PSME3IP1: variants seen among roughly 807,000 people sequenced by gnomAD.
PSME3IP1 encodes the protein PSME3-interacting protein.
Under a neutral mutation model 34.1 loss-of-function variants are expected in PSME3IP1, and 13 were observed. The observed-to-expected ratio is 0.38, with a 90% CI of 0.25 to 0.61. The LOEUF is 0.61. Among genes scored for constraint, PSME3IP1 ranks in the 20% least tolerant of loss-of-function variants. The pLI is 0.60. For synonymous variants in PSME3IP1, 93 were observed against 114.3 expected, an observed-to-expected ratio of 0.81 and a Z score of 1.19; for missense variants, 237 against 301.4, an observed-to-expected ratio of 0.79 and a Z score of 1.58.
intron 3 of PSME3IP1, 31 bp from the exon 4 acceptor site, chr16:57,172,403 G>C: frequency 6.2e-7 from 1 of 1,607,408 alleles, no homozygotes; most frequent in Non-Finnish European, 8.5e-7. Context: ...GGCACACTTA[G>C]CAGGCTAAAG....
chr16:57,158,819 T>A (rs947171384), intron 6 of PSME3IP1, among the ~76,000 whole-genome samples: 1 of 152,210 alleles, frequency 6.6e-6, no homozygotes, highest in Non-Finnish European at 1.5e-5. Context: ...ACTACACATG[T>A]AGGCCACATG....
At chr16:57,160,875 A>T (rs2071152013) in intron 6 of PSME3IP1, among the ~76,000 whole-genome samples, 1 of 152,248 alleles carries the variant, frequency 6.6e-6, no homozygotes, top group African/African-American at 2.4e-5. Flanking sequence ...TCCAGATCAA[A>T]CTACCATTTT....
intron 1 of PSME3IP1, among the ~76,000 whole-genome samples, chr16:57,175,249 G>A (rs1364452267): frequency 2.6e-5 from 4 of 152,144 alleles, no homozygotes; most frequent in African/African-American, 9.7e-5. Context: ...TCCTGAACTC[G>A]TGATCTGCCC....
chr16:57,164,770 G>C (rs1397376876), intron 5 of PSME3IP1, among the ~76,000 whole-genome samples: 1 of 152,106 alleles, frequency 6.6e-6, no homozygotes, highest in Non-Finnish European at 1.5e-5. Flanking sequence ...GGTGGCTGAC[G>C]CCTGTAATCC....
chr16:57,182,843 G>A (rs1157198208), intron 1 of PSME3IP1, among the ~76,000 whole-genome samples: 1 of 152,154 alleles, frequency 6.6e-6, no homozygotes. Context: ...CCGGGAGGCG[G>A]AGGTTGTAGT....
At position 57,153,979 on chromosome 16, in the gene PSME3IP1, C is replaced by A; in HGVS notation, c.*311G>T. 1 of 341,456 alleles carries A rather than the reference C, an allele frequency of 2.9e-6. No homozygotes were observed. Among genetic ancestry groups the A allele is most frequent in the Non-Finnish European group, 5.4e-6 (1 of 185,322 alleles). 21.2% of individuals were successfully genotyped at this position (341,456 alleles called of 1,614,324 possible). On this transcript the variant is annotated 3_prime_UTR_variant, in exon 7 of 7. Coordinates refer to ENST00000309137, the MANE Select transcript of PSME3IP1 (RefSeq NM_024946.4). ...AATAAAACCCAAACCCTTTGGCAAGCCAGCCGGTGCCTATTCTCCTGGGGC... is the reference window on the plus strand; with the variant it reads ...AATAAAACCCAAACCCTTTGGCAAGACAGCCGGTGCCTATTCTCCTGGGGC...
rs886971600 is a variant in PSME3IP1, at chr16:57,172,659, C to T, written c.226+117G>A. ...GTCTCTTTTCCACCAAATAAGCATCCGGAGACTCGAAAATCAAGACAATTC... is the reference window on the plus strand; with the variant it reads ...GTCTCTTTTCCACCAAATAAGCATCTGGAGACTCGAAAATCAAGACAATTC... On this transcript the variant is annotated intron_variant, in intron 3 of 6. Transcript: ENST00000309137. 2.0e-5 allele frequency: 18 copies of T among 879,292 alleles called. No homozygotes were observed. The Admixed American group carries it at 2.4e-4, about 12-fold the overall frequency. 54.5% of individuals were successfully genotyped at this position (879,292 alleles called of 1,614,324 possible). A position where few individuals can be genotyped will look rare whatever the true frequency, so the allele number is the denominator to read the frequency against.
At chr16:57,162,725 A>G (rs1376389096) in intron 6 of PSME3IP1, among the ~76,000 whole-genome samples, 1 of 152,144 alleles carries the variant, frequency 6.6e-6, no homozygotes, top group East Asian at 1.9e-4. Flanking sequence ...TTACAAAGAA[A>G]AAAAAAAAAT....
At chr16:57,163,251 T>C (rs542467586) in intron 6 of PSME3IP1, among the ~76,000 whole-genome samples, 32 of 152,302 alleles carry the variant, frequency 2.1e-4, no homozygotes, top group Non-Finnish European at 1.6e-4. Flanking sequence ...GGCTCCTTTT[T>C]TTTTCCCCCA....
At chr16:57,162,332 A>G (rs146777888) in intron 6 of PSME3IP1, among the ~76,000 whole-genome samples, 13 of 152,350 alleles carry the variant, frequency 8.5e-5, no homozygotes, top group African/African-American at 3.1e-4. Flanking sequence ...ACAAAATATT[A>G]CAGTTGAGAG....
rs1006639252 is a variant in PSME3IP1, at chr16:57,178,569, A to C, written c.-15-4700T>G. 12 of 985,306 alleles carry C rather than the reference A, an allele frequency of 1.2e-5. No individual in the cohort carries two copies. The African/African-American group carries it at 1.9e-4, about 16-fold the overall frequency. The allele number at this position is 985,306 out of a possible 1,614,324, so 61.0% of individuals were successfully genotyped here. On this transcript the variant is annotated intron_variant, in intron 1 of 6. Coordinates refer to ENST00000309137, the MANE Select transcript of PSME3IP1 (RefSeq NM_024946.4). ...GGAATGAACTCACATGAATATTCCT[A>C]GGTACTGTGCAATGTAAGTTATAGA...
intron 3 of PSME3IP1, 102 bp downstream of exon 3, chr16:57,172,674 C>T: frequency 1.0e-6 from 1 of 956,790 alleles, no homozygotes; most frequent in Non-Finnish European, 1.7e-6. Context: ...ACTCGAAAAT[C>T]AAGACAATTC....
chr16:57,168,173 G>A (rs2072126020), intron 4 of PSME3IP1, among the ~76,000 whole-genome samples: 1 of 152,176 alleles, frequency 6.6e-6, no homozygotes, highest in Non-Finnish European at 1.5e-5. Flanking sequence ...CTAGTGCCTG[G>A]AACAATAGTG....
chr16:57,160,079 A>C (rs1228471412), intron 6 of PSME3IP1, among the ~76,000 whole-genome samples: 1 of 152,178 alleles, frequency 6.6e-6, no homozygotes, highest in Non-Finnish European at 1.5e-5. Context: ...TCATGAGGTC[A>C]GGAGATCGAG....
intron 6 of PSME3IP1, among the ~76,000 whole-genome samples, chr16:57,158,967 G>A (rs963093463): frequency 1.1e-4 from 16 of 152,174 alleles, no homozygotes; most frequent in Admixed American, 3.3e-4. Flanking sequence ...GTAAAAATAC[G>A]ATATTATGAT....
intron 1 of PSME3IP1, among the ~76,000 whole-genome samples, chr16:57,177,908 T>C (rs1168606734): frequency 6.6e-6 from 1 of 152,182 alleles, no homozygotes; most frequent in East Asian, 1.9e-4. Flanking sequence ...GAGGATCATT[T>C]ACTCCAGGAG....
Position 57,154,622 on chromosome 16 carries a change from A to G in PSME3IP1, c.548-115T>C. Reference sequence around the variant, plus strand: ...TTTTCCCACAGAGGAGCCTTAGAACAATGCTATGCAGCCAATACTATCATC... The same window carrying G: ...TTTTCCCACAGAGGAGCCTTAGAACGATGCTATGCAGCCAATACTATCATC... On this transcript the variant is annotated intron_variant, in intron 6 of 6. Coordinates refer to ENST00000309137, the MANE Select transcript of PSME3IP1 (RefSeq NM_024946.4). This position sits in a 1 kb window ranked among gnomAD's most constrained non-coding sequence, Gnocchi z 4.0. The G allele has an allele frequency of 1.2e-6, 1 of 820,236 alleles. No homozygotes were observed. The highest frequency in any genetic ancestry group is 1.9e-5 in the South Asian group (1 of 52,946). 50.8% of individuals were successfully genotyped at this position (820,236 alleles called of 1,614,324 possible). A position where few individuals can be genotyped will look rare whatever the true frequency, so the allele number is the denominator to read the frequency against.
intron 6 of PSME3IP1, among the ~76,000 whole-genome samples, chr16:57,162,672 A>T (rs2071399126): frequency 6.6e-6 from 1 of 152,034 alleles, no homozygotes; most frequent in Non-Finnish European, 1.5e-5. Context: ...CTCAAAAAAA[A>T]AAAAAAAAAA....
intron 1 of PSME3IP1, chr16:57,178,831 A>AAG (rs2073431986): frequency 2.0e-6 from 2 of 985,210 alleles, no homozygotes; most frequent in Admixed American, 1.2e-4. Flanking sequence ...TTTTTGTTTG[A>AAG]AGAGTCCAAT....
Sources: allele counts gnomAD v4.1 joint callset (sites outside exome capture counted in the v4.1 genomes callset), GRCh38; gene constraint gnomAD v4.1.1; non-coding constraint Gnocchi (gnomAD v3.1); transcripts MANE v1.5; gene names NCBI Gene and HGNC (gene_info 2026-07-23, HGNC 2026-07-21).